CDH23: variants seen among roughly 807,000 people sequenced by gnomAD.
The protein encoded by CDH23 is cadherin-23.
CDH23 carries 189 observed loss-of-function variants against 317.1 expected under a neutral mutation model. That is an observed-to-expected ratio of 0.60 (90% CI 0.53 to 0.67). CDH23 has a LOEUF of 0.67. Among genes scored for constraint, CDH23 ranks in the 30% least tolerant of loss-of-function variants. The pLI is 0.00. For synonymous variants in CDH23, 1,839 were observed against 1,876.8 expected, an observed-to-expected ratio of 0.98 and a Z score of 0.52; for missense variants, 4,401 against 4,592.4, an observed-to-expected ratio of 0.96 and a Z score of 1.20.
intron 38 of CDH23, chr10:71,747,547 G>A (rs1385470404): frequency 1.3e-5 from 2 of 152,342 alleles, no homozygotes; most frequent in Admixed American, 1.3e-4. Context: ...GGAAGCAGGA[G>A]ACCCAGGGTT....
At chr10:71,661,649 C>T (rs1420315718) in intron 14 of CDH23, among the ~76,000 whole-genome samples, 1 of 151,988 alleles carries the variant, frequency 6.6e-6, no homozygotes, top group African/African-American at 2.4e-5. Context: ...AGTCAGGAAA[C>T]CTAAATGTCA....
intron 9 of CDH23, among the ~76,000 whole-genome samples, chr10:71,583,059 A>G (rs1428136873): frequency 2.0e-5 from 3 of 152,162 alleles, no homozygotes; most frequent in Non-Finnish European, 4.4e-5. Context: ...CACTCAACGC[A>G]GGGTGGGGAG....
intron 3 of CDH23, among the ~76,000 whole-genome samples, chr10:71,480,835 G>A (rs1852029948): frequency 6.6e-6 from 1 of 152,064 alleles, no homozygotes; most frequent in Non-Finnish European, 1.5e-5. Context: ...TTTGGGGGTG[G>A]ACTCGATAGC....
At chr10:71,800,555 T>C (rs1589429365) in intron 52 of CDH23, 81 bp from the exon 53 acceptor site, 2 of 1,479,478 alleles carry the variant, frequency 1.4e-6, no homozygotes, top group East Asian at 4.9e-5. Context: ...CCAGAGCCCA[T>C]AACAGCATCT....
intron 9 of CDH23, among the ~76,000 whole-genome samples, chr10:71,583,292 C>T (rs996130799): frequency 7.9e-5 from 12 of 151,300 alleles, no homozygotes; most frequent in Non-Finnish European, 1.2e-4. Context: ...GGAGGCAGGG[C>T]GGGCCATGCA....
intron 9 of CDH23, among the ~76,000 whole-genome samples, chr10:71,601,967 G>GC (rs1282597468): frequency 3.3e-5 from 5 of 151,508 alleles, no homozygotes; most frequent in African/African-American, 9.6e-5. Flanking sequence ...GCGGAGGGGG[G>GC]GGGGCTCTGC....
chr10:71,423,080 G>A (rs1024328011), intron 1 of CDH23, among the ~76,000 whole-genome samples: 8 of 151,998 alleles, frequency 5.3e-5, no homozygotes, highest in African/African-American at 9.7e-5. Flanking sequence ...ATGTTATGAC[G>A]GCCCTTGTGT....
intron 38 of CDH23, among the ~76,000 whole-genome samples, chr10:71,743,443 T>C (rs1044158468): frequency 1.3e-5 from 2 of 152,118 alleles, no homozygotes; most frequent in Admixed American, 1.3e-4. Context: ...GAATTGGGAT[T>C]GGGTTAATAA....
intron 6 of CDH23, among the ~76,000 whole-genome samples, chr10:71,530,034 G>GACACACACACACACACACACACAC (rs57652121): frequency 1.8e-4 from 26 of 140,916 alleles, no homozygotes; most frequent in African/African-American, 6.9e-4. Context: ...CACACATACA[G>GACACACACACACACACACACACAC]ACACACACAC....
chr10:71,565,124 T>A (rs1039747611), intron 6 of CDH23, among the ~76,000 whole-genome samples: 1 of 152,120 alleles, frequency 6.6e-6, no homozygotes, highest in Admixed American at 6.5e-5. Context: ...GCTCTGGCAC[T>A]TCTGTGTGAT....
At chr10:71,642,306 C>A (rs928770783) in intron 11 of CDH23, among the ~76,000 whole-genome samples, 1 of 151,786 alleles carries the variant, frequency 6.6e-6, no homozygotes, top group African/African-American at 2.4e-5. Context: ...GGGGAATGCC[C>A]GCATCAGACA....
intron 2 of CDH23, among the ~76,000 whole-genome samples, chr10:71,442,199 A>G (rs1390586891): frequency 6.6e-6 from 1 of 152,236 alleles, no homozygotes; most frequent in East Asian, 1.9e-4. Flanking sequence ...ATTCTATGCC[A>G]AAGCGTGTAT....
In CDH23 at chr10:71,740,828, G is replaced by T. The variant is rs758070912; in HGVS notation, c.4495G>T (p.Ala1499Ser). The T allele has an allele frequency of 5.4e-5, 87 of 1,613,632 alleles. 2 individuals are homozygous for T. The South Asian group carries it at 9.3e-4, about 17-fold the overall frequency. The stretch of plus-strand genomic sequence containing the variant: ...GTTGCCCTCCTCCTTGCAGGTTGTG[G>T]CTTCTGACCGAGGCACCCCTCCACG... ...ELDHYILQVV[A>S]SDRGTPPRKK... is the part of the protein sequence containing the mutation. The change falls in exon 37 of 70, where the codon GCT becomes TCT. Residue 1499 changes from alanine to serine, a missense_variant. This residue lies in a region of CDH23 where 3,068 missense variants were observed against 3,203.3 expected (regional missense o/e 0.96). Transcript: ENST00000224721.
At chr10:71,760,836 A>T in intron 38 of CDH23, 1 of 1,599,708 alleles carries the variant, frequency 6.3e-7, no homozygotes, top group Non-Finnish European at 8.6e-7. Context: ...GAAAACAGAG[A>T]ACCCAAAAGG....
chr10:71,451,018 G>A (rs573977681), intron 3 of CDH23, among the ~76,000 whole-genome samples: 2 of 152,066 alleles, frequency 1.3e-5, no homozygotes, highest in African/African-American at 2.4e-5. Context: ...CTGCCTCACC[G>A]GCAGCCTTCC....
chr10:71,677,419 C>T lies in CDH23; in HGVS notation c.1515-37C>T, dbSNP rs570209337. On this transcript the variant is annotated intron_variant, in intron 15 of 69. Transcript: ENST00000224721. ...CCATCAACAAGCCTGTTTTAAACCACGGTGTTCCTTCTCTCCATCCTCTCG... is the reference window on the plus strand; with the variant it reads ...CCATCAACAAGCCTGTTTTAAACCATGGTGTTCCTTCTCTCCATCCTCTCG... The T allele has an allele frequency of 3.9e-5, 60 of 1,529,860 alleles. No homozygotes were observed. The East Asian group carries it at 4.7e-4, about 12-fold the overall frequency. 94.8% of individuals were successfully genotyped at this position (1,529,860 alleles called of 1,614,324 possible). A position where few individuals can be genotyped will look rare whatever the true frequency, so the allele number is the denominator to read the frequency against.
chr10:71,695,399 G>A lies in CDH23; in HGVS notation c.2290-19G>A, dbSNP rs74147013. ...ATCTCAGCTGGGTGTGTCTCCCAGC[G>A]CCCCTTATGGCTTCACAGGTAAACA... On this transcript the variant is annotated intron_variant, in intron 21 of 69. Coordinates refer to ENST00000224721, the MANE Select transcript of CDH23 (RefSeq NM_022124.6). 7,987 of 1,561,922 alleles carry A rather than the reference G, an allele frequency of 5.1e-3. 364 individuals carry two copies. In the African/African-American group the frequency reaches 0.094, roughly 18 times the overall value.
intron 11 of CDH23, 31 bp downstream of exon 11, chr10:71,617,424 C>A (rs780794659): frequency 2.6e-5 from 41 of 1,606,758 alleles, no homozygotes; most frequent in Non-Finnish European, 3.3e-5. Context: ...CCCATGCAGA[C>A]CCACCACCCA....
chr10:71,702,608 C>G lies in CDH23; in HGVS notation c.2647C>G (p.Leu883Val), dbSNP rs948374150. The change falls in exon 24 of 70, where the codon CTC (leucine) becomes GTC (valine). Residue 883 changes from leucine to valine, a missense_variant. Physicochemically the swap from Leu to Val is conservative, Grantham distance 32. Transcript: ENST00000224721. ...SATVFVNLLD[L>V]NDNDPTFQNL... is the part of the protein sequence containing the mutation. ...CACAGTGTTTGTGAACCTCTTGGAT[C>G]TCAATGACAATGACCCCACCTTTCA... 1.2e-6 allele frequency: 2 copies of G among 1,614,020 alleles called. No homozygotes were observed. The highest frequency in any genetic ancestry group is 1.7e-5 in the Admixed American group (1 of 60,032).
Sources: gnomAD v4.1 joint callset for allele counts (sites outside exome capture counted in the v4.1 genomes callset) on GRCh38, gnomAD v4.1.1 for gene constraint, gnomAD v4.1.1 regional missense constraint, MANE v1.5 for transcripts, NCBI Gene and HGNC (gene_info 2026-07-23, HGNC 2026-07-21) for gene names.